The following SEMA5A variants were observed in gnomAD, a reference collection of about 807,000 sequenced individuals.
SEMA5A encodes semaphorin-5A.
SEMA5A carries 55 observed loss-of-function variants against 135.5 expected under a neutral mutation model. That is an observed-to-expected ratio of 0.41 (90% confidence interval 0.33 to 0.51). The LOEUF (loss-of-function observed/expected upper bound fraction) is 0.51. SEMA5A is among the 20% of genes least tolerant of loss of function. The pLI is 0.37. For synonymous variants in SEMA5A, 580 were observed against 546.5 expected (o/e 1.06, Z -0.85); for missense variants, 1,290 against 1,419.9 (o/e 0.91, Z 1.47).
chr5:9,441,201 T>G (rs1758219548), intron 1 of SEMA5A, among the ~76,000 whole-genome samples: 1 of 152,200 alleles, frequency 6.6e-6, no homozygotes, highest in African/African-American at 2.4e-5. Flanking sequence ...TTTTCTGCTA[T>G]GTAGTTCAGT....
chr5:9,120,314 G>A (rs1170931128), intron 14 of SEMA5A, among the ~76,000 whole-genome samples: 2 of 151,890 alleles, frequency 1.3e-5, no homozygotes, highest in African/African-American at 4.8e-5. Flanking sequence ...CAACAACTAT[G>A]CCACTGAAGG....
intron 11 of SEMA5A, among the ~76,000 whole-genome samples, chr5:9,174,962 A>G (rs1451157282): frequency 6.6e-6 from 1 of 152,234 alleles, no homozygotes; most frequent in African/African-American, 2.4e-5. Flanking sequence ...CTGAGCAAAG[A>G]TTCCATTTGT....
intron 1 of SEMA5A, among the ~76,000 whole-genome samples, chr5:9,520,843 C>G (rs1736786803): frequency 6.6e-6 from 1 of 152,188 alleles, no homozygotes; most frequent in South Asian, 2.1e-4. Context: ...GAGAAACTGT[C>G]ACAGCCAAGA....
Position 9,154,113 on chromosome 5 carries a change from GTGTA to G in SEMA5A, c.1481+371_1481+374del, listed in dbSNP as rs201260050. On this transcript the variant is annotated intron_variant, in intron 12 of 22. Transcript: ENST00000382496. ...TATATATGTGTGTGTGTGTATGTGT[GTGTA>G]TGTATGTATGTGTGTGTGTGTATAT... Among the ~76,000 whole-genome samples the G allele has an allele frequency of 1.3e-3, 171 of 131,506 alleles. 6 individuals carry two copies. The East Asian group carries it at 0.022, about 17-fold the overall frequency. 86.3% of individuals were successfully genotyped at this position (131,506 alleles called of 152,430 possible). A position where few individuals can be genotyped will look rare whatever the true frequency, so the allele number is the denominator to read the frequency against.
At chr5:9,267,929 A>C (rs1749767730) in intron 5 of SEMA5A, among the ~76,000 whole-genome samples, 1 of 152,130 alleles carries the variant, frequency 6.6e-6, no homozygotes, top group African/African-American at 2.4e-5. Flanking sequence ...TTTTTTCAAA[A>C]GTGTAGCATG....
chr5:9,151,027 C>A (rs1742607602), intron 12 of SEMA5A, among the ~76,000 whole-genome samples: 1 of 152,152 alleles, frequency 6.6e-6, no homozygotes, highest in Non-Finnish European at 1.5e-5. Context: ...TCTCATGTTG[C>A]AGTAGCTATG....
At chr5:9,337,499 A>G (rs1427898174) in intron 4 of SEMA5A, among the ~76,000 whole-genome samples, 1 of 152,238 alleles carries the variant, frequency 6.6e-6, no homozygotes, top group Non-Finnish European at 1.5e-5. Context: ...TTACTGGCAC[A>G]GGGTGAGGGC....
chr5:9,496,140 G>C (rs1410847566), intron 1 of SEMA5A, among the ~76,000 whole-genome samples: 4 of 152,166 alleles, frequency 2.6e-5, no homozygotes, highest in African/African-American at 9.7e-5. Flanking sequence ...TGCCTCCTGG[G>C]TTCAAGCAGT....
At chr5:9,522,553 G>T (rs1736896001) in intron 1 of SEMA5A, among the ~76,000 whole-genome samples, 2 of 151,830 alleles carry the variant, frequency 1.3e-5, no homozygotes, top group South Asian at 4.2e-4. Context: ...CTCCAGCCTG[G>T]GCAACAAGAG....
intron 11 of SEMA5A, among the ~76,000 whole-genome samples, chr5:9,187,344 T>C (rs1009406295): frequency 1.3e-5 from 2 of 152,132 alleles, no homozygotes; most frequent in African/African-American, 4.8e-5. Flanking sequence ...AGACATGAAA[T>C]ATGTAATTAT....
rs868797798 is a variant in SEMA5A at position 9,353,261 on chromosome 5, G to A, written c.125-15449C>T. Among the ~76,000 whole-genome samples the A allele has an allele frequency of 4.1e-3, 513 of 123,694 alleles. 31 individuals carry two copies. The highest frequency in any genetic ancestry group is 0.018 in the African/African-American group (476 of 27,088). 81.1% of individuals were successfully genotyped at this position (123,694 alleles called of 152,430 possible). On this transcript the variant is annotated intron_variant, in intron 3 of 22. Coordinates refer to ENST00000382496, the MANE Select transcript of SEMA5A (RefSeq NM_003966.3). ...GAAGGAAAGGGAAGGGAAGGGAAGG[G>A]AAGCAAAGGAAAGGAAAGGAAAGGA...
intron 5 of SEMA5A, among the ~76,000 whole-genome samples, chr5:9,246,085 C>T (rs1354751982): frequency 1.3e-5 from 2 of 152,046 alleles, no homozygotes; most frequent in East Asian, 3.9e-4. Context: ...ACGACTGGTG[C>T]ACTTCAAAAA....
chr5:9,280,598 A>C (rs1026869221), intron 5 of SEMA5A, among the ~76,000 whole-genome samples: 1 of 152,228 alleles, frequency 6.6e-6, no homozygotes, highest in South Asian at 2.1e-4. Context: ...ATGACATTTG[A>C]AGTCCAGTTT....
intron 1 of SEMA5A, among the ~76,000 whole-genome samples, chr5:9,445,505 T>C (rs926916730): frequency 6.6e-6 from 1 of 151,856 alleles, no homozygotes; most frequent in Admixed American, 6.6e-5. Flanking sequence ...CTGTCTCTAC[T>C]AAAAATACAA....
At chr5:9,120,249 A>G (rs1210144425) in intron 14 of SEMA5A, among the ~76,000 whole-genome samples, 1 of 152,148 alleles carries the variant, frequency 6.6e-6, no homozygotes, top group African/African-American at 2.4e-5. Context: ...AAAAAATATT[A>G]GCTCACATTA....
At position 9,400,575 on chromosome 5, in the gene SEMA5A, C is replaced by T. The variant is rs1346383636; in HGVS notation, c.-77-20552G>A. On this transcript the variant is annotated intron_variant, in intron 2 of 22. Coordinates refer to ENST00000382496, the MANE Select transcript of SEMA5A (RefSeq NM_003966.3). ...AGGCTGGAGTGCAGTGGCGGGATCT[C>T]GGCTCACTGCAAGCTCCGCCTCCCG... Among the ~76,000 whole-genome samples, 17 of 48,908 alleles carry T rather than the reference C, an allele frequency of 3.5e-4. 3 individuals are homozygous for T. The highest frequency in any genetic ancestry group is 1.8e-3 in the Admixed American group (7 of 3,878). The allele number at this position is 48,908 out of a possible 152,430, so 32.1% of individuals were successfully genotyped here.
intron 1 of SEMA5A, chr5:9,498,897 G>A (rs1299769639): frequency 6.6e-6 from 1 of 152,186 alleles, no homozygotes; most frequent in East Asian, 1.9e-4. Flanking sequence ...TATTTGACAT[G>A]TTCTGTGTAT....
At chr5:9,417,802 G>A (rs1469938923) in intron 2 of SEMA5A, among the ~76,000 whole-genome samples, 1 of 152,152 alleles carries the variant, frequency 6.6e-6, no homozygotes, top group Non-Finnish European at 1.5e-5. Context: ...CATACACCAA[G>A]TGGCTTGAAC....
intron 15 of SEMA5A, among the ~76,000 whole-genome samples, chr5:9,118,376 A>C (rs1421000011): frequency 1.3e-5 from 2 of 152,246 alleles, no homozygotes; most frequent in East Asian, 1.9e-4. Context: ...GCAGAGGTTG[A>C]GCCTGAAACC....
Sources: gnomAD v4.1 joint callset for allele counts (sites outside exome capture counted in the v4.1 genomes callset) on GRCh38, gnomAD v4.1.1 for gene constraint, MANE v1.5 for transcripts, NCBI Gene and HGNC (gene_info 2026-07-23, HGNC 2026-07-21) for gene names.